Variants in DOCK2 observed in about 807,000 individuals in gnomAD.
The protein encoded by DOCK2 is dedicator of cytokinesis protein 2.
Under a neutral mutation model 248.9 loss-of-function variants are expected in DOCK2, and 87 were observed. The ratio of observed to expected loss-of-function variants is 0.35; its 90% CI spans 0.29 to 0.42. The LOEUF is 0.42. DOCK2 is among the 10% of genes least tolerant of loss of function. The pLI is 1.00. For missense variants in DOCK2, 1,747 were observed against 2,300.2 expected (o/e 0.76, Z 4.92); for synonymous variants, 805 against 821.6 (o/e 0.98, Z 0.35).
chr5:169,874,410 C>CAAAAA (rs34525811), intron 27 of DOCK2, among the ~76,000 whole-genome samples: 4 of 72,010 alleles, frequency 5.6e-5, no homozygotes, highest in South Asian at 6.6e-4. Context: ...GACTCTGTCT[C>CAAAAA]AAAAAAAAAA....
chr5:169,721,878 G>T (rs1257928020), intron 22 of DOCK2, among the ~76,000 whole-genome samples: 2 of 152,218 alleles, frequency 1.3e-5, no homozygotes, highest in Non-Finnish European at 2.9e-5. Context: ...TGAGTTCCTT[G>T]TCCCTCGCTT....
intron 27 of DOCK2, among the ~76,000 whole-genome samples, chr5:169,931,292 G>C (rs1351724128): frequency 6.6e-6 from 1 of 152,226 alleles, no homozygotes; most frequent in African/African-American, 2.4e-5. Context: ...TGCTGACAAA[G>C]CCATCAAAGT....
intron 9 of DOCK2, among the ~76,000 whole-genome samples, chr5:169,689,879 T>A (rs778818161): frequency 6.6e-6 from 1 of 152,092 alleles, no homozygotes; most frequent in Non-Finnish European, 1.5e-5. Flanking sequence ...GAGCAAGACA[T>A]GTACGTAGAA....
intron 27 of DOCK2, among the ~76,000 whole-genome samples, chr5:169,911,023 A>C (rs1774567617): frequency 6.6e-6 from 1 of 152,150 alleles, no homozygotes; most frequent in Non-Finnish European, 1.5e-5. Context: ...CAGGAAAAGC[A>C]TTTCTACCTT....
chr5:170,044,814 T>A (rs1461999799), intron 38 of DOCK2, among the ~76,000 whole-genome samples: 2 of 152,120 alleles, frequency 1.3e-5, no homozygotes, highest in Non-Finnish European at 1.5e-5. Context: ...CTCCCCTCTC[T>A]CCTCCTCCTA....
chr5:169,882,534 GA>G (rs762985568), intron 27 of DOCK2: 83 of 1,508,728 alleles, frequency 5.5e-5, no homozygotes, highest in Admixed American at 3.0e-4. Context: ...TTTTTAATAT[GA>G]AAAAAAAATC....
At chr5:170,074,949 C>T (rs1020862703) in intron 46 of DOCK2, among the ~76,000 whole-genome samples, 2 of 152,286 alleles carry the variant, frequency 1.3e-5, no homozygotes. Flanking sequence ...CACCACCTCC[C>T]TCCTCTGCTC....
rs774840282 is a variant in DOCK2, at chr5:170,008,533, A to G, written c.3109A>G (p.Ile1037Val). Reference sequence around the variant, plus strand: ...CTATTTTCATCTGGCAGTGGCTTTTATCACCCAGGATTCTCTGCAGCTGGA... The same window carrying G: ...CTATTTTCATCTGGCAGTGGCTTTTGTCACCCAGGATTCTCTGCAGCTGGA... Reference protein sequence around the residue: ...NNYFHLAVAFITQDSLQLEQF... With the variant: ...NNYFHLAVAFVTQDSLQLEQF... The change falls in exon 31 of 52, where the codon ATC becomes GTC. Residue 1037 changes from isoleucine (I) to valine (V), a missense_variant. By Grantham distance (29) the Ile-to-Val change is conservative. Transcript: ENST00000520908. The G allele has an allele frequency of 1.9e-6, 3 of 1,614,072 alleles. No homozygotes were observed. The highest frequency in any genetic ancestry group is 2.5e-6 in the Non-Finnish European group (3 of 1,179,952).
Position 169,716,225 on chromosome 5 carries a change from A to G in DOCK2, c.1954A>G (p.Thr652Ala). ...GEEVVKFLQD[T>A]LDALFNIMME... ...TTATTTCTTCCAGTTTCTCCAGGAT[A>G]CTCTGGATGCCCTCTTCAACATCAT... The change falls in exon 20 of 52, where the codon ACT becomes GCT. Residue 652 changes from threonine (T) to alanine (A), a missense_variant. Thr to Ala is a moderately conservative substitution (Grantham distance 58). Around this residue, in one of 4 missense-constraint regions of DOCK2, gnomAD observed 858 missense variants for 1,183.5 expected, o/e 0.72. Transcript: ENST00000520908. The G allele has an allele frequency of 6.2e-7, 1 of 1,613,638 alleles. No individual in the cohort carries two copies. The highest frequency in any genetic ancestry group is 8.5e-7 in the Non-Finnish European group (1 of 1,179,682).
At chr5:169,895,192 T>C (rs1406866947) in intron 27 of DOCK2, among the ~76,000 whole-genome samples, 1 of 152,340 alleles carries the variant, frequency 6.6e-6, no homozygotes, top group Non-Finnish European at 1.5e-5. Context: ...TGACAAAGGA[T>C]ATCCTTTTTC....
intron 23 of DOCK2, among the ~76,000 whole-genome samples, chr5:169,751,551 T>C (rs1763894808): frequency 6.6e-6 from 1 of 152,236 alleles, no homozygotes; most frequent in African/African-American, 2.4e-5. Context: ...TTGGAAACCC[T>C]CTTTTGTGAC....
chr5:169,913,587 G>A (rs1774719820), intron 27 of DOCK2, among the ~76,000 whole-genome samples: 1 of 152,246 alleles, frequency 6.6e-6, no homozygotes, highest in African/African-American at 2.4e-5. Context: ...TAAACATATT[G>A]AAATTCCCTG....
chr5:169,969,314 G>A (rs1777413952), intron 27 of DOCK2, among the ~76,000 whole-genome samples: 1 of 151,792 alleles, frequency 6.6e-6, no homozygotes, highest in African/African-American at 2.4e-5. Flanking sequence ...GTGTGGTGTG[G>A]GGCACTTGTA....
Position 169,674,342 on chromosome 5 carries a change from G to T in DOCK2, c.367G>T (p.Asp123Tyr). The stretch of plus-strand genomic sequence containing the variant: ...TCTCCAGGTGCAGTCCATGATGTAC[G>T]ATCTGATGGAGTGGAGGTCCCAGCT... Reference protein sequence around the residue: ...RFLQVQSMMYDLMEWRSQLLS... With the variant: ...RFLQVQSMMYYLMEWRSQLLS... The change falls in exon 6 of 52, where the codon GAT becomes TAT. Residue 123 changes from aspartate (D) to tyrosine (Y), a missense_variant. By Grantham distance (160) the Asp-to-Tyr change is radical (BLOSUM62 -3). Transcript: ENST00000520908. The T allele has an allele frequency of 6.2e-7, 1 of 1,614,116 alleles. No individual in the cohort carries two copies. The highest frequency in any genetic ancestry group is 1.1e-5 in the South Asian group (1 of 91,078).
intron 27 of DOCK2, among the ~76,000 whole-genome samples, chr5:169,920,183 C>A (rs1044890236): frequency 2.0e-5 from 3 of 152,156 alleles, no homozygotes; most frequent in African/African-American, 7.2e-5. Flanking sequence ...CAAACCCAGG[C>A]AGTCCATCTT....
At chr5:169,753,165 A>G (rs1251083788) in intron 23 of DOCK2, among the ~76,000 whole-genome samples, 2 of 152,222 alleles carry the variant, frequency 1.3e-5, no homozygotes, top group African/African-American at 4.8e-5. Context: ...TGTTAGCTCA[A>G]TTGATCTTTG....
chr5:170,023,587 G>A (rs915326912), intron 33 of DOCK2, among the ~76,000 whole-genome samples: 1 of 152,250 alleles, frequency 6.6e-6, no homozygotes, highest in Admixed American at 6.5e-5. Flanking sequence ...CCCATCCCAA[G>A]CTCTTTTGGG....
intron 23 of DOCK2, among the ~76,000 whole-genome samples, chr5:169,752,429 C>T (rs1308373444): frequency 2.6e-5 from 4 of 152,102 alleles, no homozygotes; most frequent in African/African-American, 9.7e-5. Flanking sequence ...CAAATATCTA[C>T]TGTCTGAATG....
chr5:169,776,306 G>A (rs2113786688), intron 25 of DOCK2, among the ~76,000 whole-genome samples: 1 of 151,798 alleles, frequency 6.6e-6, no homozygotes, highest in East Asian at 1.9e-4. Flanking sequence ...AGGAATGCAG[G>A]CACACATCAC....
Sources: gnomAD v4.1 joint callset for allele counts (sites outside exome capture counted in the v4.1 genomes callset) on GRCh38, gnomAD v4.1.1 for gene constraint, gnomAD v4.1.1 regional missense constraint, MANE v1.5 for transcripts, NCBI Gene and HGNC (gene_info 2026-07-23, HGNC 2026-07-21) for gene names.